Variants in RRN3 observed in about 807,000 individuals in gnomAD.
RRN3 encodes the protein RNA polymerase I-specific transcription initiation factor RRN3.
A neutral mutation model predicts 82.3 loss-of-function variants in RRN3; 38 were observed. The observed-to-expected ratio is 0.46, with a 90% confidence interval of 0.36 to 0.61. The LOEUF (loss-of-function observed/expected upper bound fraction) is 0.61, where lower values mean the gene tolerates loss of function less well. Ranked by LOEUF, RRN3 falls within the 20% of genes least tolerant of loss-of-function variation. The pLI is 0.00. For synonymous variants in RRN3, 284 were observed against 284.3 expected (o/e 1.00, Z 0.01); for missense variants, 726 against 793.1 (o/e 0.92, Z 1.02).
chr16:15,085,533 G>C (rs995791877), intron 6 of RRN3, 106 bp downstream of exon 6: 2 of 1,519,708 alleles, frequency 1.3e-6, no homozygotes, highest in African/African-American at 2.8e-5. Context: ...GCCCAGGCTG[G>C]TCTCAAACTC....
intron 12 of RRN3, 50 bp from the exon 13 acceptor site, chr16:15,071,301 T>C (rs2045216989): frequency 6.5e-7 from 1 of 1,527,278 alleles, no homozygotes; most frequent in East Asian, 2.3e-5. Flanking sequence ...CCTAAGATAA[T>C]CTGGCTATCA....
At chr16:15,089,346 G>C (rs2046027795) in intron 3 of RRN3, among the ~76,000 whole-genome samples, 2 of 152,052 alleles carry the variant, frequency 1.3e-5, no homozygotes, top group Admixed American at 1.3e-4. Flanking sequence ...AGCAATCTTG[G>C]CTACAGACAC....
intron 8 of RRN3, among the ~76,000 whole-genome samples, chr16:15,081,935 G>C (rs925810146): frequency 2.6e-5 from 4 of 152,054 alleles, no homozygotes; most frequent in Non-Finnish European, 5.9e-5. Context: ...CAATTGTCTT[G>C]AACAACTGGT....
At chr16:15,082,529 G>T (rs540742344) in intron 8 of RRN3, among the ~76,000 whole-genome samples, 12 of 151,794 alleles carry the variant, frequency 7.9e-5, no homozygotes, top group African/African-American at 2.7e-4. Flanking sequence ...AAAAATTAGC[G>T]GGGTGTGGTG....
intron 12 of RRN3, 82 bp downstream of exon 12, chr16:15,072,868 C>T (rs2045295607): frequency 7.2e-7 from 1 of 1,380,688 alleles, no homozygotes; most frequent in African/African-American, 1.5e-5. Flanking sequence ...ACTTCATGGT[C>T]TCCGTCCACC....
chr16:15,068,740 C>A (rs2045091583), intron 14 of RRN3, among the ~76,000 whole-genome samples: 1 of 152,082 alleles, frequency 6.6e-6, no homozygotes, highest in Non-Finnish European at 1.5e-5. Flanking sequence ...TTTTTCTAAA[C>A]AAGAAAACTC....
intron 1 of RRN3, among the ~76,000 whole-genome samples, chr16:15,092,874 T>C (rs1461970980): frequency 6.6e-6 from 1 of 152,200 alleles, no homozygotes; most frequent in Non-Finnish European, 1.5e-5. Flanking sequence ...CCTACCTCTC[T>C]CACCTCATCT....
chr16:15,073,967 T>C (rs2045346306), intron 11 of RRN3, among the ~76,000 whole-genome samples: 1 of 152,188 alleles, frequency 6.6e-6, no homozygotes, highest in Non-Finnish European at 1.5e-5. Flanking sequence ...GGGCAGATTA[T>C]GAAACACTTG....
rs2046175129 is a variant in RRN3 at position 15,092,523 on chromosome 16, G to A, written c.181C>T (p.Leu61=). Residue 61 remains leucine (L), a synonymous_variant, in exon 2 of 18, where the codon CTG becomes TTG. Transcript: ENST00000198767. ...TCTCCCCTTACCTTTTTGTACTTCA[G>A]CAAGACTTCTGTCACAGTTCCACCA... is the stretch of plus-strand genomic sequence containing the variant. ...RFGGTVTEVL[L]KYKKGETNDF... 6.2e-7 allele frequency: 1 copy of A among 1,611,216 alleles called. No homozygotes were observed. The highest frequency in any genetic ancestry group is 8.5e-7 in the Non-Finnish European group (1 of 1,177,492).
chr16:15,064,649 A>G (rs1174249131), intron 16 of RRN3, among the ~76,000 whole-genome samples: 1 of 152,252 alleles, frequency 6.6e-6, no homozygotes, highest in African/African-American at 2.4e-5. Context: ...GAAAAACAAA[A>G]AACAAAAAAC....
chr16:15,060,480 T>A lies in RRN3; in HGVS notation c.*1264A>T, dbSNP rs1393954144. On this transcript the variant is annotated 3_prime_UTR_variant, in exon 18 of 18. Coordinates refer to ENST00000198767, the MANE Select transcript of RRN3 (RefSeq NM_018427.5). ...AGAGGAAGTATTTCATTACAAAATATTTATGATCAAGAAAATATTGCTTGC... is the reference window on the plus strand; with the variant it reads ...AGAGGAAGTATTTCATTACAAAATAATTATGATCAAGAAAATATTGCTTGC... 1 of 154,686 alleles carries A rather than the reference T, an allele frequency of 6.5e-6. No individual in the cohort carries two copies. Among genetic ancestry groups the A allele is most frequent in the Non-Finnish European group, 1.4e-5 (1 of 69,540 alleles). The allele number at this position is 154,686 out of a possible 1,614,324, so 9.6% of individuals were successfully genotyped here.
chr16:15,092,739 C>T, intron 1 of RRN3, 125 bp from the exon 2 acceptor site: 1 of 656,338 alleles, frequency 1.5e-6, no homozygotes, highest in Non-Finnish European at 2.7e-6. Context: ...GGTCTCCCTG[C>T]TTCCACTCTT....
chr16:15,065,952 G>C (rs1477716255), intron 15 of RRN3, among the ~76,000 whole-genome samples: 1 of 152,244 alleles, frequency 6.6e-6, no homozygotes, highest in Admixed American at 6.5e-5. Flanking sequence ...ATGCATAGAA[G>C]AAAACATAAA....
At position 15,080,034 on chromosome 16, in the gene RRN3, A is replaced by G. The variant is rs202153371; in HGVS notation, c.729T>C (p.Ile243=). The G allele has an allele frequency of 3.1e-6, 5 of 1,600,940 alleles. No homozygotes were observed. In the East Asian group the frequency reaches 6.7e-5, roughly 21 times the overall value. The part of the protein sequence containing the change: ...SVYFPTLRHE[I]LELIIEKLLK... ...GTAGTTTTTCAATAATAAGCTCCAG[A>G]ATTTCATGCCTCAAGGTTGGAAAAT... The change falls in exon 9 of 18, where the codon ATT becomes ATC. Residue 243 remains isoleucine (I), a synonymous_variant. Coordinates refer to ENST00000198767, the MANE Select transcript of RRN3 (RefSeq NM_018427.5).
chr16:15,077,579 C>T (rs1177157073), intron 9 of RRN3, among the ~76,000 whole-genome samples: 2 of 152,192 alleles, frequency 1.3e-5, no homozygotes, highest in African/African-American at 2.4e-5. Context: ...CAGTGGCTCA[C>T]GCCTGTAATC....
chr16:15,064,767 T>C (rs1483932368), intron 16 of RRN3, among the ~76,000 whole-genome samples: 1 of 152,118 alleles, frequency 6.6e-6, no homozygotes, highest in Non-Finnish European at 1.5e-5. Flanking sequence ...TCTGGTGAAA[T>C]ATACGCAGGG....
intron 3 of RRN3, among the ~76,000 whole-genome samples, chr16:15,089,811 A>AAAAAAAAAAC (rs1555463212): frequency 7.5e-6 from 1 of 132,882 alleles, no homozygotes; most frequent in Non-Finnish European, 1.7e-5. Flanking sequence ...AAAAAAAAAA[A>AAAAAAAAAAC]CAGATTAAAG....
chr16:15,070,984 A>G (rs1372596693), intron 13 of RRN3, 137 bp downstream of exon 13: 4 of 637,622 alleles, frequency 6.3e-6, no homozygotes, highest in African/African-American at 3.7e-5. Context: ...AGAAATATAA[A>G]CATCTTGCAC....
intron 1 of RRN3, among the ~76,000 whole-genome samples, chr16:15,093,458 T>C (rs1363425653): frequency 6.6e-6 from 1 of 152,188 alleles, no homozygotes; most frequent in African/African-American, 2.4e-5. Flanking sequence ...ATGTACTGCC[T>C]TTCCCCCCTA....
Sources: gnomAD v4.1 joint callset for allele counts (sites outside exome capture counted in the v4.1 genomes callset) on GRCh38, gnomAD v4.1.1 for gene constraint, MANE v1.5 for transcripts, NCBI Gene and HGNC (gene_info 2026-07-23, HGNC 2026-07-21) for gene names.